Variants in SMC1B observed in about 807,000 individuals in gnomAD.
The protein encoded by SMC1B is structural maintenance of chromosomes protein 1B.
SMC1B carries 60 observed loss-of-function variants against 157.9 expected under a neutral mutation model. That is an observed-to-expected ratio of 0.38 (90% CI 0.31 to 0.47). The LOEUF is 0.47. Among genes scored for constraint, SMC1B ranks in the 20% least tolerant of loss-of-function variants. The pLI is 0.99. For synonymous variants in SMC1B, 445 were observed against 483.0 expected, an observed-to-expected ratio of 0.92 and a Z score of 1.03; for missense variants, 1,165 against 1,426.2, an observed-to-expected ratio of 0.82 and a Z score of 2.95.
chr22:45,389,974 C>A, intron 9 of SMC1B, 77 bp from the exon 10 acceptor site: 1 of 1,225,016 alleles, frequency 8.2e-7, no homozygotes, highest in Non-Finnish European at 1.1e-6. Context: ...TCTAATGTAA[C>A]AAAGTAGCGC....
chr22:45,352,347 C>A lies in SMC1B; in HGVS notation c.3425+104G>T, dbSNP rs1401430076. 5 of 1,056,064 alleles carry A rather than the reference C, an allele frequency of 4.7e-6. No individual in the cohort carries two copies. The East Asian group carries it at 1.3e-4, about 28-fold the overall frequency. 65.4% of individuals were successfully genotyped at this position (1,056,064 alleles called of 1,614,324 possible). A position where few individuals can be genotyped will look rare whatever the true frequency, so the allele number is the denominator to read the frequency against. On this transcript the variant is annotated intron_variant, in intron 22 of 24. Coordinates refer to ENST00000357450, the MANE Select transcript of SMC1B (RefSeq NM_148674.5). ...GGCTGAAGAAGATAGTTTTGTATCT[C>A]ATTTGCTAAATATTAATAAAGACAA... is the stretch of plus-strand genomic sequence containing the variant.
chr22:45,402,788 G>A (rs999655076), intron 4 of SMC1B, among the ~76,000 whole-genome samples: 1 of 152,186 alleles, frequency 6.6e-6, no homozygotes, highest in African/African-American at 2.4e-5. Flanking sequence ...TGCGCTCAGT[G>A]GTATGATGAT....
At chr22:45,347,505 A>T (rs1212743690) in intron 23 of SMC1B, among the ~76,000 whole-genome samples, 1 of 152,244 alleles carries the variant, frequency 6.6e-6, no homozygotes, top group Non-Finnish European at 1.5e-5. Context: ...TCAGAGGTGC[A>T]GAACCTACTG....
intron 15 of SMC1B, 110 bp downstream of exon 15, chr22:45,369,844 T>C: frequency 1.4e-6 from 1 of 706,268 alleles, no homozygotes; most frequent in Admixed American, 3.1e-5. Context: ...GTGCCCGGCC[T>C]AGCTGTTTCT....
At chr22:45,413,376 C>A in intron 1 of SMC1B, 83 bp downstream of exon 1, 1 of 1,107,052 alleles carries the variant, frequency 9.0e-7, no homozygotes, top group Non-Finnish European at 1.3e-6. Context: ...CCGCGGCAGA[C>A]GCCCACACCC....
intron 5 of SMC1B, among the ~76,000 whole-genome samples, chr22:45,399,672 A>T (rs2087169460): frequency 6.6e-6 from 1 of 152,214 alleles, no homozygotes; most frequent in Non-Finnish European, 1.5e-5. Context: ...AGGCTAAGGG[A>T]TCCTATATGG....
At chr22:45,360,232 A>C (rs775160573) in intron 17 of SMC1B, among the ~76,000 whole-genome samples, 2 of 152,174 alleles carry the variant, frequency 1.3e-5, no homozygotes, top group Admixed American at 6.5e-5. Context: ...TCCTCACTCA[A>C]ATATAAGCTC....
intron 8 of SMC1B, 151 bp from the exon 9 acceptor site, chr22:45,393,992 A>C: frequency 1.6e-6 from 1 of 607,412 alleles, no homozygotes; most frequent in Middle Eastern, 4.5e-4. Flanking sequence ...CTGACACCAA[A>C]CATGGGCAAA....
At chr22:45,384,393 T>G (rs990648708) in intron 11 of SMC1B, among the ~76,000 whole-genome samples, 1 of 152,168 alleles carries the variant, frequency 6.6e-6, no homozygotes, top group African/African-American at 2.4e-5. Flanking sequence ...GCTTTCGGGT[T>G]TTTTGTCATA....
intron 17 of SMC1B, among the ~76,000 whole-genome samples, chr22:45,361,554 G>C (rs553236817): frequency 6.6e-6 from 1 of 152,130 alleles, no homozygotes; most frequent in Admixed American, 6.5e-5. Context: ...TTTGAACCCG[G>C]GAAGCAAAGG....
At chr22:45,397,906 G>C (rs2087144108) in intron 6 of SMC1B, among the ~76,000 whole-genome samples, 2 of 152,150 alleles carry the variant, frequency 1.3e-5, no homozygotes, top group Non-Finnish European at 2.9e-5. Context: ...TGCCAGTGTA[G>C]CTTCATTCTT....
chr22:45,399,677 A>G (rs1450242523), intron 5 of SMC1B, among the ~76,000 whole-genome samples: 1 of 152,224 alleles, frequency 6.6e-6, no homozygotes, highest in Non-Finnish European at 1.5e-5. Context: ...AAGGGATCCT[A>G]TATGGAATGT....
intron 6 of SMC1B, among the ~76,000 whole-genome samples, chr22:45,398,276 AG>A (rs2087149308): frequency 6.6e-6 from 1 of 152,222 alleles, no homozygotes; most frequent in Non-Finnish European, 1.5e-5. Context: ...CACCTGGTCC[AG>A]CTCCAAGCAC....
intron 9 of SMC1B, among the ~76,000 whole-genome samples, chr22:45,392,113 A>C (rs2087066133): frequency 6.6e-6 from 1 of 151,882 alleles, no homozygotes; most frequent in Non-Finnish European, 1.5e-5. Flanking sequence ...CGCCCAGCTA[A>C]ATTTTTTGTA....
chr22:45,357,831 G>A (rs866047554), intron 19 of SMC1B, among the ~76,000 whole-genome samples: 1 of 152,178 alleles, frequency 6.6e-6, no homozygotes, highest in African/African-American at 2.4e-5. Flanking sequence ...TGGTAGGAGT[G>A]AGAGGGGCAT....
At chr22:45,374,208 AG>A (rs913921279) in intron 12 of SMC1B, among the ~76,000 whole-genome samples, 1 of 150,688 alleles carries the variant, frequency 6.6e-6, no homozygotes, top group African/African-American at 2.4e-5. Context: ...TTTAAGAAAA[AG>A]GGATGTTCAG....
At chr22:45,362,820 G>C in intron 16 of SMC1B, 65 bp downstream of exon 16, 1 of 1,389,798 alleles carries the variant, frequency 7.2e-7, no homozygotes, top group Non-Finnish European at 1.0e-6. Context: ...CGCACAAAAG[G>C]TTTACCACAT....
intron 23 of SMC1B, among the ~76,000 whole-genome samples, chr22:45,348,728 T>TTTG (rs1569171430): frequency 6.8e-6 from 1 of 148,074 alleles, no homozygotes; most frequent in Non-Finnish European, 1.5e-5. Context: ...GTTTTTTTTG[T>TTTG]TTTGTTTTGT....
At chr22:45,361,104 T>G (rs2146776874) in intron 17 of SMC1B, among the ~76,000 whole-genome samples, 1 of 152,234 alleles carries the variant, frequency 6.6e-6, no homozygotes, top group South Asian at 2.1e-4. Context: ...ACTATTACTA[T>G]CTCCATTACT....
Sources: allele counts gnomAD v4.1 joint callset (sites outside exome capture counted in the v4.1 genomes callset), GRCh38; gene constraint gnomAD v4.1.1; transcripts MANE v1.5; gene names NCBI Gene and HGNC (gene_info 2026-07-23, HGNC 2026-07-21).